The following STAU2 variants were observed in gnomAD, a reference collection of about 807,000 sequenced individuals.
STAU2 encodes double-stranded RNA-binding protein Staufen homolog 2.
A neutral mutation model predicts 65.9 loss-of-function variants in STAU2; 20 were observed. The observed-to-expected ratio is 0.30, with a 90% CI of 0.21 to 0.44. The LOEUF (loss-of-function observed/expected upper bound fraction) is 0.44, where lower values mean the gene tolerates loss of function less well. Ranked by LOEUF, STAU2 falls within the 20% of genes least tolerant of loss-of-function variation. The pLI is 1.00. For synonymous variants in STAU2, 232 were observed against 233.9 expected (o/e 0.99, Z 0.07); for missense variants, 558 against 683.9 (o/e 0.82, Z 2.05).
At chr8:73,689,159 G>A (rs1489334234) in intron 4 of STAU2, among the ~76,000 whole-genome samples, 1 of 152,202 alleles carries the variant, frequency 6.6e-6, no homozygotes, top group Admixed American at 6.5e-5. Flanking sequence ...GAAACTGTAA[G>A]AGAAGCCAAA....
chr8:73,693,988 T>C (rs182944552), intron 4 of STAU2, among the ~76,000 whole-genome samples: 2 of 152,184 alleles, frequency 1.3e-5, no homozygotes, highest in African/African-American at 4.8e-5. Context: ...TAAAAGCACA[T>C]ATAGTTTTAA....
In STAU2 at chr8:73,739,765, C is replaced by T; in HGVS notation, c.-93G>A. ...AAGTTCTTCAGATTACCTTCTGAGCCTTGGTTCAAATTACTTTGTGTATCT... is the reference window on the plus strand; with the variant it reads ...AAGTTCTTCAGATTACCTTCTGAGCTTTGGTTCAAATTACTTTGTGTATCT... On this transcript the variant is annotated 5_prime_UTR_variant, in exon 2 of 15. Transcript: ENST00000524300. 3 of 1,517,054 alleles carry T rather than the reference C, an allele frequency of 2.0e-6. No homozygotes were observed. The highest frequency in any genetic ancestry group is 2.6e-6 in the Non-Finnish European group (3 of 1,141,310). 94.0% of individuals were successfully genotyped at this position (1,517,054 alleles called of 1,614,324 possible).
chr8:73,428,238 G>T (rs932429783), intron 13 of STAU2, among the ~76,000 whole-genome samples: 5 of 152,094 alleles, frequency 3.3e-5, no homozygotes, highest in African/African-American at 4.8e-5. Flanking sequence ...TCTATGTTTG[G>T]CATATTTCAC....
intron 13 of STAU2, among the ~76,000 whole-genome samples, chr8:73,476,095 CTT>C (rs1820311963): frequency 6.6e-6 from 1 of 152,154 alleles, no homozygotes; most frequent in African/African-American, 2.4e-5. Flanking sequence ...ATGGAATACT[CTT>C]ATATTGGAAA....
intron 4 of STAU2, among the ~76,000 whole-genome samples, chr8:73,707,299 C>T (rs1027061937): frequency 2.0e-5 from 3 of 152,120 alleles, no homozygotes; most frequent in Middle Eastern, 6.8e-3. Flanking sequence ...AATTACTAGA[C>T]GGAATGAACT....
intron 13 of STAU2, among the ~76,000 whole-genome samples, chr8:73,481,796 A>T (rs1042319537): frequency 6.6e-6 from 1 of 152,184 alleles, no homozygotes; most frequent in Non-Finnish European, 1.5e-5. Context: ...TTTTCACTAC[A>T]TGTAACCAGT....
intron 13 of STAU2, chr8:73,438,804 C>T: frequency 2.6e-6 from 1 of 386,318 alleles, no homozygotes; most frequent in East Asian, 7.2e-5. Flanking sequence ...GGGGACAAGG[C>T]CACATAGGTA....
intron 1 of STAU2, among the ~76,000 whole-genome samples, chr8:73,743,813 C>A (rs554105146): frequency 5.7e-4 from 84 of 147,836 alleles, no homozygotes; most frequent in African/African-American, 1.9e-3. Flanking sequence ...ACTCTGTCAC[C>A]CAGGCTGGAG....
Position 73,422,657 on chromosome 8 carries a change from G to C in STAU2, c.1576C>G (p.Pro526Ala). ...LKQFSEQGLD[P>A]IDGAMNIEKG... ...TCGATATTCATTGCTCCATCGATTG[G>C]ATCCAGTCCTTGTTCAGAAAATTGT... The change falls in exon 14 of 15, where the codon CCA (proline) becomes GCA (alanine). Residue 526 changes from proline to alanine, a missense_variant. Transcript: ENST00000524300. 6.6e-7 allele frequency: 1 copy of C among 1,510,616 alleles called. No individual in the cohort carries two copies. The highest frequency in any genetic ancestry group is 8.8e-7 in the Non-Finnish European group (1 of 1,137,740). 93.6% of individuals were successfully genotyped at this position (1,510,616 alleles called of 1,614,324 possible).
chr8:73,505,274 G>A (rs11995768), intron 13 of STAU2, among the ~76,000 whole-genome samples: 8,681 of 151,978 alleles, frequency 0.057, 776 homozygotes, highest in African/African-American at 0.2. Context: ...AAACAGTTAA[G>A]CAAAAGGAAC....
chr8:73,515,989 A>G (rs1336612508), intron 13 of STAU2, among the ~76,000 whole-genome samples: 1 of 146,318 alleles, frequency 6.8e-6, no homozygotes, highest in Non-Finnish European at 1.5e-5. Flanking sequence ...GTTGGAGTGC[A>G]GTGATGTGAT....
At chr8:73,461,840 ACT>A (rs1187013556) in intron 13 of STAU2, among the ~76,000 whole-genome samples, 2 of 151,796 alleles carry the variant, frequency 1.3e-5, no homozygotes, top group Non-Finnish European at 2.9e-5. Context: ...TGCACTTGGG[ACT>A]CTGCCCAGCC....
intron 12 of STAU2, among the ~76,000 whole-genome samples, chr8:73,574,144 C>A (rs1809329554): frequency 6.6e-6 from 1 of 152,144 alleles, no homozygotes. Flanking sequence ...AGCCAAAAGA[C>A]ACATGAAAAA....
chr8:73,587,274 A>G (rs1205301769), intron 11 of STAU2, among the ~76,000 whole-genome samples: 1 of 152,212 alleles, frequency 6.6e-6, no homozygotes, highest in Non-Finnish European at 1.5e-5. Flanking sequence ...TTCAGACCAC[A>G]AGATCTCAAA....
At chr8:73,631,892 C>T (rs578102007) in intron 6 of STAU2, among the ~76,000 whole-genome samples, 4 of 151,752 alleles carry the variant, frequency 2.6e-5, no homozygotes, top group Admixed American at 1.3e-4. Context: ...TTACTGCCTA[C>T]GATCCTAAAT....
In STAU2 at chr8:73,422,504, G is replaced by A. The variant is rs776734772; in HGVS notation, c.1619+110C>T. ...ACATTTAATTGTATTATTAATAATT[G>A]TGTAAGATGTAGATACTATTGTCGA... On this transcript the variant is annotated intron_variant, in intron 14 of 14. Transcript: ENST00000524300. 6.6e-4 allele frequency: 478 copies of A among 728,890 alleles called. 3 individuals carry two copies. Among genetic ancestry groups the A allele is most frequent in the Non-Finnish European group, 7.9e-4 (387 of 487,144 alleles). 45.2% of individuals were successfully genotyped at this position (728,890 alleles called of 1,614,324 possible).
At chr8:73,722,590 C>T (rs1267138481) in intron 3 of STAU2, among the ~76,000 whole-genome samples, 2 of 152,138 alleles carry the variant, frequency 1.3e-5, no homozygotes, top group African/African-American at 4.8e-5. Flanking sequence ...AGTTTGCTTG[C>T]TTATATCGTT....
Position 73,711,131 on chromosome 8 carries a change from C to CAAAA in STAU2, c.-17-1973_-17-1970dup, listed in dbSNP as rs751087630. ...CAATTAAGCCATTGTAAGTGGCTTGCAAAAAAAAAAAAAAAAAAAAAAAAA... is the reference window on the plus strand; with the variant it reads ...CAATTAAGCCATTGTAAGTGGCTTGCAAAAAAAAAAAAAAAAAAAAAAAAAAAAA... On this transcript the variant is annotated intron_variant, in intron 3 of 14. Transcript: ENST00000524300. Among the ~76,000 whole-genome samples the CAAAA allele has an allele frequency of 3.9e-3, 122 of 31,096 alleles. 14 individuals carry two copies. The highest frequency in any genetic ancestry group is 9.8e-3 in the African/African-American group (106 of 10,770). The allele number at this position is 31,096 out of a possible 152,430, so 20.4% of individuals were successfully genotyped here. A position where few individuals can be genotyped will look rare whatever the true frequency, so the allele number is the denominator to read the frequency against.
At chr8:73,671,977 AT>A (rs1488648303) in intron 6 of STAU2, among the ~76,000 whole-genome samples, 3 of 152,146 alleles carry the variant, frequency 2.0e-5, no homozygotes, top group African/African-American at 7.2e-5. Flanking sequence ...GTGAGACAAG[AT>A]CACACCACTG....
Sources: allele counts gnomAD v4.1 joint callset (sites outside exome capture counted in the v4.1 genomes callset), GRCh38; gene constraint gnomAD v4.1.1; transcripts MANE v1.5; gene names NCBI Gene and HGNC (gene_info 2026-07-23, HGNC 2026-07-21).